CAMK1D: variants seen among roughly 807,000 people sequenced by gnomAD.
CAMK1D encodes the protein calcium/calmodulin-dependent protein kinase type 1D.
Under a neutral mutation model 47.7 loss-of-function variants are expected in CAMK1D, and 9 were observed. The observed-to-expected ratio is 0.19, with a 90% CI of 0.11 to 0.33. CAMK1D has a LOEUF of 0.33. Ranked by LOEUF, CAMK1D falls within the 10% of genes least tolerant of loss-of-function variation. CAMK1D has a pLI of 1.00. For synonymous variants in CAMK1D, 184 were observed against 184.9 expected (o/e 0.99, Z 0.04); for missense variants, 291 against 488.7 (o/e 0.60, Z 3.81).
intron 2 of CAMK1D, among the ~76,000 whole-genome samples, chr10:12,613,377 A>T (rs1449113940): frequency 6.6e-6 from 1 of 152,238 alleles, no homozygotes; most frequent in African/African-American, 2.4e-5. Context: ...TTAAGAAAAA[A>T]AATAGGCCAG....
rs570172753 is a variant in CAMK1D at position 12,825,832 on chromosome 10, C to CT, written c.1039+149dup. The CT allele has an allele frequency of 7.8e-4, 1,094 of 1,404,100 alleles. 2 individuals are homozygous for CT. The highest frequency in any genetic ancestry group is 5.1e-3 in the Middle Eastern group (20 of 3,930). The allele number at this position is 1,404,100 out of a possible 1,614,324, so 87.0% of individuals were successfully genotyped here. On this transcript the variant is annotated intron_variant, in intron 10 of 10. Transcript: ENST00000619168. Reference sequence around the variant, plus strand: ...AATCCCATGTCATGCGACCCTAGGACTTTTTTTAACATGTAATCACTGGGC... The same window carrying CT: ...AATCCCATGTCATGCGACCCTAGGACTTTTTTTTAACATGTAATCACTGGGC...
At chr10:12,373,259 G>C (rs1005838480) in intron 1 of CAMK1D, among the ~76,000 whole-genome samples, 2 of 151,338 alleles carry the variant, frequency 1.3e-5, no homozygotes, top group African/African-American at 2.4e-5. Context: ...GCTGCAGTGA[G>C]CCGTGATCAC....
chr10:12,541,156 G>T (rs1316361501), intron 1 of CAMK1D, among the ~76,000 whole-genome samples: 1 of 152,150 alleles, frequency 6.6e-6, no homozygotes, highest in Non-Finnish European at 1.5e-5. Context: ...TTATTTTCCA[G>T]ATTGGGCCTG....
rs571861975 is a variant in CAMK1D, at chr10:12,425,894, C to T, written c.92+75984C>T. On this transcript the variant is annotated intron_variant, in intron 1 of 10. Transcript: ENST00000619168. ...GACAGGCAGACTTTAAATCCTGCCC[C>T]AGGAACATTTTTGCATGCACTGGTG... Among the ~76,000 whole-genome samples the T allele has an allele frequency of 5.3e-5, 8 of 152,328 alleles. No homozygotes were observed. The South Asian group carries it at 1.7e-3, about 32-fold the overall frequency.
At chr10:12,387,037 A>T (rs1310994824) in intron 1 of CAMK1D, among the ~76,000 whole-genome samples, 1 of 151,774 alleles carries the variant, frequency 6.6e-6, no homozygotes, top group Non-Finnish European at 1.5e-5. Context: ...CCCCGTCTCT[A>T]CTAAAAATAC....
intron 3 of CAMK1D, among the ~76,000 whole-genome samples, chr10:12,750,820 G>T (rs374908406): frequency 5.3e-5 from 8 of 152,198 alleles, no homozygotes; most frequent in African/African-American, 1.7e-4. Flanking sequence ...GGAGTCTGAG[G>T]TGGGCAAATC....
At chr10:12,488,176 A>G (rs1834272431) in intron 1 of CAMK1D, among the ~76,000 whole-genome samples, 2 of 152,086 alleles carry the variant, frequency 1.3e-5, no homozygotes, top group South Asian at 4.1e-4. Flanking sequence ...TTGACTGTTG[A>G]ATGGGTGCAG....
intron 1 of CAMK1D, among the ~76,000 whole-genome samples, chr10:12,460,787 G>C (rs1403785398): frequency 6.6e-6 from 1 of 151,822 alleles, no homozygotes; most frequent in African/African-American, 2.4e-5. Flanking sequence ...GGCTCGTCTT[G>C]AACTCCTGAC....
chr10:12,623,624 G>T (rs577810228), intron 2 of CAMK1D, among the ~76,000 whole-genome samples: 153 of 151,356 alleles, frequency 1.0e-3, no homozygotes, highest in Non-Finnish European at 1.9e-3. Context: ...TAGGGAAACC[G>T]CATCATGAAA....
intron 1 of CAMK1D, among the ~76,000 whole-genome samples, chr10:12,446,396 C>T (rs1832926657): frequency 6.6e-6 from 1 of 152,172 alleles, no homozygotes; most frequent in Admixed American, 6.5e-5. Flanking sequence ...ATGGTGCTGA[C>T]AGGAGTGTAG....
intron 1 of CAMK1D, among the ~76,000 whole-genome samples, chr10:12,462,957 CAG>C (rs1053488029): frequency 6.6e-6 from 1 of 152,194 alleles, no homozygotes; most frequent in African/African-American, 2.4e-5. Context: ...GCAGCATAGA[CAG>C]AGAGCACTCT....
chr10:12,360,849 T>A (rs1428204177), intron 1 of CAMK1D, among the ~76,000 whole-genome samples: 1 of 152,154 alleles, frequency 6.6e-6, no homozygotes, highest in Non-Finnish European at 1.5e-5. Context: ...GCTGTGTCGC[T>A]GCCTCTCCCA....
chr10:12,642,048 T>TTAA (rs1839681122), intron 2 of CAMK1D, among the ~76,000 whole-genome samples: 1 of 133,296 alleles, frequency 7.5e-6, no homozygotes, highest in Non-Finnish European at 1.6e-5. Flanking sequence ...TTTCTCAGAA[T>TTAA]AAAAAAAAAA....
chr10:12,755,354 G>C (rs1836181352), intron 3 of CAMK1D, among the ~76,000 whole-genome samples: 1 of 152,182 alleles, frequency 6.6e-6, no homozygotes, highest in Non-Finnish European at 1.5e-5. Context: ...CTCAGGTTCA[G>C]CCAAGGTGGA....
intron 2 of CAMK1D, among the ~76,000 whole-genome samples, chr10:12,662,502 A>G (rs1225295915): frequency 6.6e-6 from 1 of 152,106 alleles, no homozygotes; most frequent in Non-Finnish European, 1.5e-5. Context: ...AATACAAAAA[A>G]TCAGCCGGGC....
intron 1 of CAMK1D, among the ~76,000 whole-genome samples, chr10:12,534,539 G>C (rs1835909295): frequency 6.6e-6 from 1 of 152,150 alleles, no homozygotes; most frequent in Non-Finnish European, 1.5e-5. Context: ...GCTAATTTTT[G>C]TATTTTTAGT....
At chr10:12,673,697 A>G (rs1443773121) in intron 3 of CAMK1D, among the ~76,000 whole-genome samples, 1 of 152,240 alleles carries the variant, frequency 6.6e-6, no homozygotes, top group Non-Finnish European at 1.5e-5. Context: ...TTTGTGTTAG[A>G]CATTTTGAAA....
chr10:12,822,325 G>C (rs937070999), intron 8 of CAMK1D, among the ~76,000 whole-genome samples: 1 of 152,216 alleles, frequency 6.6e-6, no homozygotes, highest in African/African-American at 2.4e-5. Flanking sequence ...GTAACACAGA[G>C]CCTGGGGGCC....
intron 1 of CAMK1D, among the ~76,000 whole-genome samples, chr10:12,538,753 C>T (rs1411467089): frequency 1.3e-5 from 2 of 152,028 alleles, no homozygotes; most frequent in Non-Finnish European, 2.9e-5. Flanking sequence ...ACAGACCGTG[C>T]ATGCTTAAGG....
Sources: gnomAD v4.1 joint callset for allele counts (sites outside exome capture counted in the v4.1 genomes callset) on GRCh38, gnomAD v4.1.1 for gene constraint, MANE v1.5 for transcripts, NCBI Gene and HGNC (gene_info 2026-07-23, HGNC 2026-07-21) for gene names.